The following TTC29 variants were observed in gnomAD, a reference collection of about 807,000 sequenced individuals.
The protein encoded by TTC29 is tetratricopeptide repeat protein 29.
In TTC29, 49 loss-of-function variants were observed where a neutral mutation model predicts 58.1. The ratio of observed to expected loss-of-function variants is 0.84; its 90% CI spans 0.67 to 1.07. TTC29 has a LOEUF of 1.07. Ranked by LOEUF, TTC29 falls within the 50% of genes least tolerant of loss-of-function variation. The pLI is 0.00. For synonymous variants in TTC29, 209 were observed against 196.8 expected (o/e 1.06, Z -0.52); for missense variants, 582 against 555.6 (o/e 1.05, Z -0.48).
At chr4:146,788,834 CT>C (rs896703234) in intron 11 of TTC29, among the ~76,000 whole-genome samples, 1 of 151,778 alleles carries the variant, frequency 6.6e-6, no homozygotes, top group Admixed American at 6.6e-5. Context: ...ACTTAAGAAA[CT>C]TTTGGAAGGG....
intron 11 of TTC29, among the ~76,000 whole-genome samples, chr4:146,731,918 T>C (rs1744363460): frequency 6.6e-6 from 1 of 152,166 alleles, no homozygotes; most frequent in African/African-American, 2.4e-5. Context: ...GCTGCCACAT[T>C]GTATGTGTTT....
At chr4:146,815,431 A>G (rs1751334859) in intron 10 of TTC29, among the ~76,000 whole-genome samples, 1 of 152,140 alleles carries the variant, frequency 6.6e-6, no homozygotes, top group South Asian at 2.1e-4. Flanking sequence ...AGTAGAAAGG[A>G]GTGGGTTCCA....
At chr4:146,710,600 C>T (rs1304677018) in intron 11 of TTC29, among the ~76,000 whole-genome samples, 1 of 152,060 alleles carries the variant, frequency 6.6e-6, no homozygotes, top group Non-Finnish European at 1.5e-5. Flanking sequence ...CTAGGTTTTG[C>T]ACTATGGGTC....
At chr4:146,887,442 GT>G in intron 6 of TTC29, among the ~76,000 whole-genome samples, 1 of 152,194 alleles carries the variant, frequency 6.6e-6, no homozygotes, top group East Asian at 1.9e-4. Context: ...GAGATTGTTT[GT>G]GTTTATTTGT....
chr4:146,932,423 CACAA>C (rs1236734352), intron 4 of TTC29, among the ~76,000 whole-genome samples: 1 of 152,108 alleles, frequency 6.6e-6, no homozygotes, highest in African/African-American at 2.4e-5. Flanking sequence ...AAAATGATTT[CACAA>C]ACATTTTCAA....
chr4:146,844,371 T>C (rs1729032052), intron 8 of TTC29, among the ~76,000 whole-genome samples: 1 of 152,152 alleles, frequency 6.6e-6, no homozygotes, highest in East Asian at 1.9e-4. Flanking sequence ...AGTTTTGTAT[T>C]ACCTTAACAA....
chr4:146,920,293 T>G (rs1392598266), intron 4 of TTC29, among the ~76,000 whole-genome samples: 3 of 151,024 alleles, frequency 2.0e-5, no homozygotes, highest in Non-Finnish European at 3.0e-5. Flanking sequence ...AACAATCAAT[T>G]CTTTACACCT....
intron 10 of TTC29, among the ~76,000 whole-genome samples, chr4:146,811,798 GA>G (rs1751043077): frequency 6.6e-6 from 1 of 152,138 alleles, no homozygotes; most frequent in Non-Finnish European, 1.5e-5. Flanking sequence ...AGGAGGAGGA[GA>G]AATAGAACTT....
At chr4:146,773,542 C>A (rs1443930859) in intron 11 of TTC29, among the ~76,000 whole-genome samples, 4 of 152,096 alleles carry the variant, frequency 2.6e-5, no homozygotes, top group South Asian at 4.1e-4. Flanking sequence ...TGTGTTGAAC[C>A]AATCTTGCAT....
intron 8 of TTC29, among the ~76,000 whole-genome samples, chr4:146,842,082 T>G (rs1215493561): frequency 6.6e-6 from 1 of 152,084 alleles, no homozygotes; most frequent in Non-Finnish European, 1.5e-5. Flanking sequence ...GCTACTAGTA[T>G]CTAGTGAGTC....
At chr4:146,750,851 G>A (rs1050590165) in intron 11 of TTC29, among the ~76,000 whole-genome samples, 2 of 152,296 alleles carry the variant, frequency 1.3e-5, no homozygotes, top group African/African-American at 2.4e-5. Flanking sequence ...AAATGGCAGT[G>A]ATAAGTCTTT....
chr4:146,785,608 C>T (rs757001436), intron 11 of TTC29, among the ~76,000 whole-genome samples: 20 of 151,694 alleles, frequency 1.3e-4, no homozygotes, highest in Admixed American at 2.6e-4. Flanking sequence ...CTTAGAGAAC[C>T]TTCTTTTCCC....
chr4:146,940,002 G>A (rs187879020), intron 2 of TTC29, 101 bp from the exon 3 acceptor site: 3 of 1,142,144 alleles, frequency 2.6e-6, no homozygotes, highest in Admixed American at 2.7e-5. Flanking sequence ...TCTTAGTTGA[G>A]AATGCCTATG....
intron 11 of TTC29, among the ~76,000 whole-genome samples, chr4:146,744,103 A>C (rs538989220): frequency 6.6e-6 from 1 of 152,182 alleles, no homozygotes; most frequent in South Asian, 2.1e-4. Flanking sequence ...CCTCTGAAAT[A>C]CTCCTATATC....
chr4:146,723,687 C>T (rs532588776), intron 11 of TTC29, among the ~76,000 whole-genome samples: 28 of 152,300 alleles, frequency 1.8e-4, no homozygotes, highest in Admixed American at 1.8e-3. Context: ...GAGATACCAT[C>T]TCACACCAGT....
At chr4:146,910,131 G>A (rs1012857706) in intron 4 of TTC29, among the ~76,000 whole-genome samples, 5 of 151,358 alleles carry the variant, frequency 3.3e-5, no homozygotes, top group Admixed American at 1.3e-4. Flanking sequence ...TAGGACAAAC[G>A]ACATGATGTG....
intron 2 of TTC29, among the ~76,000 whole-genome samples, chr4:146,941,804 G>T (rs1395723355): frequency 6.6e-6 from 1 of 152,162 alleles, no homozygotes; most frequent in Non-Finnish European, 1.5e-5. Flanking sequence ...TTTCTTTCAG[G>T]TTAGACTGTA....
At chr4:146,759,532 C>A (rs1561097684) in intron 11 of TTC29, among the ~76,000 whole-genome samples, 2 of 151,940 alleles carry the variant, frequency 1.3e-5, no homozygotes, top group Non-Finnish European at 2.9e-5. Context: ...TACTAAAATC[C>A]TTAACAAAAT....
chr4:146,822,190 T>A (rs1405119316), intron 9 of TTC29, among the ~76,000 whole-genome samples: 1 of 150,800 alleles, frequency 6.6e-6, no homozygotes, highest in Non-Finnish European at 1.5e-5. Flanking sequence ...TGGGCCATGG[T>A]GGTTTGCTGC....
Sources: gnomAD v4.1 joint callset for allele counts (sites outside exome capture counted in the v4.1 genomes callset) on GRCh38, gnomAD v4.1.1 for gene constraint, MANE v1.5 for transcripts, NCBI Gene and HGNC (gene_info 2026-07-23, HGNC 2026-07-21) for gene names.